BFSP1: variants seen among roughly 807,000 people sequenced by gnomAD.
BFSP1 encodes the protein beaded filament structural protein 1, also known as filensin.
A neutral mutation model predicts 43.9 loss-of-function variants in BFSP1; 38 were observed. The ratio of observed to expected loss-of-function variants is 0.87; its 90% CI spans 0.67 to 1.14. BFSP1 has a LOEUF of 1.14. Ranked by LOEUF, BFSP1 falls within the 50% of genes most tolerant of loss-of-function variation. The pLI is 0.00. For missense variants in BFSP1, 850 were observed against 875.1 expected, an observed-to-expected ratio of 0.97 and a Z score of 0.36; for synonymous variants, 352 against 354.8, an observed-to-expected ratio of 0.99 and a Z score of 0.09.
intron 4 of BFSP1, among the ~76,000 whole-genome samples, chr20:17,510,300 G>T (rs1600646728): frequency 6.6e-6 from 1 of 152,150 alleles, no homozygotes; most frequent in East Asian, 1.9e-4. Flanking sequence ...GACTTAGAAG[G>T]GTCTTATTAC....
At chr20:17,514,943 G>A in intron 2 of BFSP1, 127 bp from the exon 3 acceptor site, 2 of 787,358 alleles carry the variant, frequency 2.5e-6, no homozygotes, top group Non-Finnish European at 4.3e-6. Flanking sequence ...CAGTAGGTCT[G>A]GGAGGGGTCT....
upstream of BFSP1, among the ~76,000 whole-genome samples, chr20:17,559,329 G>C (rs2035045248): frequency 6.6e-6 from 1 of 152,192 alleles, no homozygotes; most frequent in South Asian, 2.1e-4. Context: ...AAATTTAAGA[G>C]ACTGCGTTAG....
chr20:17,508,535 G>A (rs1381574291), intron 5 of BFSP1, among the ~76,000 whole-genome samples: 3 of 152,154 alleles, frequency 2.0e-5, no homozygotes, highest in Admixed American at 6.5e-5. Context: ...TTATTCTTAC[G>A]AAGCTTGACC....
At chr20:17,551,128 G>T (rs1364130716) in intron 1 of BFSP1, among the ~76,000 whole-genome samples, 1 of 152,170 alleles carries the variant, frequency 6.6e-6, no homozygotes, top group East Asian at 1.9e-4. Context: ...GGCCATACTT[G>T]CATTGCTATA....
chr20:17,516,005 C>G (rs1334827884), intron 2 of BFSP1, among the ~76,000 whole-genome samples: 1 of 152,166 alleles, frequency 6.6e-6, no homozygotes, highest in Non-Finnish European at 1.5e-5. Flanking sequence ...GGGTTTCGGT[C>G]TGGCAAGGCC....
At chr20:17,563,426 T>C (rs1439881929), upstream of BFSP1, among the ~76,000 whole-genome samples, 1 of 129,458 alleles carries the variant, frequency 7.7e-6, no homozygotes, top group South Asian at 2.9e-4. Flanking sequence ...TGACAGAGTC[T>C]CGTGCTGTTG....
intron 5 of BFSP1, among the ~76,000 whole-genome samples, chr20:17,500,793 TA>T (rs1023326015): frequency 3.3e-5 from 5 of 152,132 alleles, no homozygotes; most frequent in South Asian, 2.1e-4. Context: ...TCAAGAAGCT[TA>T]AAAAAAATTT....
At chr20:17,557,087 C>T (rs1283921703) in intron 1 of BFSP1, among the ~76,000 whole-genome samples, 1 of 152,160 alleles carries the variant, frequency 6.6e-6, no homozygotes, top group Non-Finnish European at 1.5e-5. Flanking sequence ...CCTGCAGAGA[C>T]ACTCCTGCCA....
At chr20:17,511,108 A>G (rs6034841) in intron 4 of BFSP1, among the ~76,000 whole-genome samples, 76,795 of 151,584 alleles carry the variant, frequency 0.51, 20,262 homozygotes, top group African/African-American at 0.65. Context: ...CACCTCACTC[A>G]GCACCAGTCT....
intron 1 of BFSP1, among the ~76,000 whole-genome samples, chr20:17,546,627 G>A (rs113690942): frequency 4.6e-5 from 7 of 152,064 alleles, no homozygotes; most frequent in South Asian, 4.2e-4. Flanking sequence ...CCTTGAACCC[G>A]GGAGGTGGAG....
intron 7 of BFSP1, among the ~76,000 whole-genome samples, chr20:17,495,544 G>A (rs933483502): frequency 1.3e-5 from 2 of 152,272 alleles, no homozygotes; most frequent in African/African-American, 2.4e-5. Context: ...ACCCGTTCAC[G>A]GTGGATCTAC....
intron 2 of BFSP1, among the ~76,000 whole-genome samples, chr20:17,518,569 G>A (rs993027422): frequency 6.6e-6 from 1 of 152,176 alleles, no homozygotes; most frequent in Non-Finnish European, 1.5e-5. Context: ...TGGAGATCCT[G>A]GTGTCTGGTC....
At chr20:17,528,395 C>G (rs948018206) in intron 1 of BFSP1, among the ~76,000 whole-genome samples, 1 of 152,180 alleles carries the variant, frequency 6.6e-6, no homozygotes, top group South Asian at 2.1e-4. Flanking sequence ...TGCTTACCAG[C>G]CAAAGTACAG....
In BFSP1 at chr20:17,509,016, G is replaced by A. The variant is rs545033508; in HGVS notation, c.628-20C>T. 1.3e-6 allele frequency: 2 copies of A among 1,528,784 alleles called. No homozygotes were observed. Among genetic ancestry groups the A allele is most frequent in the East Asian group, 2.4e-5 (1 of 41,304 alleles). 94.7% of individuals were successfully genotyped at this position (1,528,784 alleles called of 1,614,324 possible). A position where few individuals can be genotyped will look rare whatever the true frequency, so the allele number is the denominator to read the frequency against. On this transcript the variant is annotated intron_variant, in intron 4 of 7. Coordinates refer to ENST00000377873, the MANE Select transcript of BFSP1 (RefSeq NM_001195.5). ...CTTCTCCTGCACAGAGAAGGCCAGA[G>A]TCAGACTCATGGGACATGCAGAGAG...
At chr20:17,510,585 T>A (rs774342285) in intron 4 of BFSP1, among the ~76,000 whole-genome samples, 2 of 152,228 alleles carry the variant, frequency 1.3e-5, no homozygotes, top group African/African-American at 2.4e-5. Flanking sequence ...AGATGATACT[T>A]TGCAGGGTTC....
chr20:17,568,557 G>C (rs191482513), intron 1 of BFSP1, among the ~76,000 whole-genome samples: 143 of 152,230 alleles, frequency 9.4e-4, no homozygotes, highest in Middle Eastern at 3.4e-3. Context: ...CATCATCTTA[G>C]AAGCAGTGAG....
At chr20:17,535,345 A>G (rs947484687), upstream of BFSP1, among the ~76,000 whole-genome samples, 2 of 152,200 alleles carry the variant, frequency 1.3e-5, no homozygotes, top group Non-Finnish European at 2.9e-5. Flanking sequence ...CCTAGCCAAC[A>G]TGGTGAAACC....
intron 1 of BFSP1, chr20:17,565,369 A>C (rs549900180): frequency 6.6e-6 from 1 of 152,358 alleles, no homozygotes; most frequent in South Asian, 2.1e-4. Context: ...GAAGTCTACC[A>C]GCTCATGTAT....
chr20:17,553,884 TAC>T lies in BFSP1; in HGVS notation c.2+4802_2+4803del, dbSNP rs1169131224. ...ACACATATATATACATATATATATA[TAC>T]ACACATATATATTTCTGATGGCAAG... On this transcript the variant is annotated intron_variant, in intron 1 of 7. Coordinates refer to the BFSP1 transcript ENST00000377868. Among the ~76,000 whole-genome samples, 597 of 128,788 alleles carry T rather than the reference TAC, an allele frequency of 4.6e-3. 12 individuals carry two copies. The highest frequency in any genetic ancestry group is 0.016 in the African/African-American group (517 of 32,126). The allele number at this position is 128,788 out of a possible 152,430, so 84.5% of individuals were successfully genotyped here. A position where few individuals can be genotyped will look rare whatever the true frequency, so the allele number is the denominator to read the frequency against.
Sources: allele counts gnomAD v4.1 joint callset (sites outside exome capture counted in the v4.1 genomes callset), GRCh38; gene constraint gnomAD v4.1.1; transcripts MANE v1.5; gene names NCBI Gene and HGNC (gene_info 2026-07-23, HGNC 2026-07-21).